MAST4: variants seen among roughly 807,000 people sequenced by gnomAD.
MAST4 encodes microtubule-associated serine/threonine-protein kinase 4.
In MAST4, 89 loss-of-function variants were observed where a neutral mutation model predicts 162.7. That is an observed-to-expected ratio of 0.55 (90% CI 0.46 to 0.65). The LOEUF is 0.65. MAST4 is among the 30% of genes least tolerant of loss of function. MAST4 has a pLI of 0.00. For missense variants in MAST4, 3,153 were observed against 3,374.0 expected (o/e 0.93, Z 1.62); for synonymous variants, 1,479 against 1,361.1 (o/e 1.09, Z -1.91).
intron 3 of MAST4, among the ~76,000 whole-genome samples, chr5:66,831,482 C>T (rs1467839235): frequency 6.6e-6 from 1 of 152,108 alleles, no homozygotes; most frequent in Admixed American, 6.5e-5. Context: ...TAAAATGATG[C>T]AGTATGTATT....
At chr5:66,756,862 C>T (rs571678692) in intron 1 of MAST4, among the ~76,000 whole-genome samples, 11 of 152,278 alleles carry the variant, frequency 7.2e-5, no homozygotes, top group African/African-American at 9.6e-5. Context: ...GTTTTCTGCT[C>T]ATACTGTGCC....
chr5:66,701,585 T>A (rs998542013), intron 1 of MAST4, among the ~76,000 whole-genome samples: 4 of 152,244 alleles, frequency 2.6e-5, no homozygotes, highest in Non-Finnish European at 4.4e-5. Context: ...TGAATTTGGA[T>A]GCTTCTTTAG....
chr5:66,839,310 G>A (rs1403712123), intron 3 of MAST4, among the ~76,000 whole-genome samples: 1 of 152,112 alleles, frequency 6.6e-6, no homozygotes, highest in Admixed American at 6.6e-5. Flanking sequence ...TAAGCAGTTG[G>A]ATATGTAGTT....
At chr5:67,108,051 T>C (rs942559615) in intron 10 of MAST4, among the ~76,000 whole-genome samples, 1 of 152,236 alleles carries the variant, frequency 6.6e-6, no homozygotes, top group Non-Finnish European at 1.5e-5. Flanking sequence ...AGTTATTAGA[T>C]AAAATACTGT....
intron 3 of MAST4, among the ~76,000 whole-genome samples, chr5:66,877,923 T>G (rs1033003579): frequency 2.0e-5 from 3 of 152,062 alleles, no homozygotes; most frequent in African/African-American, 7.2e-5. Flanking sequence ...TTGCTAGAGG[T>G]ATCAGGCGTT....
rs185993026 is a variant in MAST4, at chr5:67,061,681, C to T, written c.763+7189C>T. On this transcript the variant is annotated intron_variant, in intron 5 of 28. Transcript: ENST00000403625. ...AAGACTGGTCTTGCTCTCAGCATCT[C>T]CTGCTCTGATCTCATTGCTTCCCCT... is the stretch of plus-strand genomic sequence containing the variant. 4.3e-4 allele frequency among the ~76,000 whole-genome samples: 66 copies of T among 152,138 alleles called. No individual in the cohort carries two copies. The East Asian group carries it at 0.011, about 25-fold the overall frequency.
chr5:66,926,660 ATG>A lies in MAST4; in HGVS notation c.674+26688_674+26689del, dbSNP rs559644750. 2.1e-3 allele frequency among the ~76,000 whole-genome samples: 325 copies of A among 151,478 alleles called. 2 individuals are homozygous for A. Among genetic ancestry groups the A allele is most frequent in the African/African-American group, 7.3e-3 (301 of 41,200 alleles). Reference sequence around the variant, plus strand: ...TATATATATGTGTATATGTATATATATGTGTGTGTGTATATATATATATTTCC... The same window carrying A: ...TATATATATGTGTATATGTATATATATGTGTGTGTATATATATATATTTCC... On this transcript the variant is annotated intron_variant, in intron 4 of 28. Transcript: ENST00000403625.
In MAST4 at chr5:67,165,635, C is replaced by G; in HGVS notation, c.6456C>G (p.Cys2152Trp). 1 of 1,611,364 alleles carries G rather than the reference C, an allele frequency of 6.2e-7. No homozygotes were observed. Among genetic ancestry groups the G allele is most frequent in the Non-Finnish European group, 8.5e-7 (1 of 1,178,886 alleles). Residue 2152 changes from cysteine to tryptophan, a missense_variant, in exon 29 of 29, where the codon TGC becomes TGG. Coordinates refer to ENST00000403625, the MANE Select transcript of MAST4 (RefSeq NM_001164664.2). ...CCAGCCCGGCTGCCAGGCAGCATTG[C>G]AGTTCCCCAAGCCACGCTTCTGGCA... Reference protein sequence around the residue: ...DLSSPAARQHCSSPSHASGRE... With the variant: ...DLSSPAARQHWSSPSHASGRE...
intron 4 of MAST4, among the ~76,000 whole-genome samples, chr5:66,943,695 C>T (rs1350680361): frequency 2.0e-5 from 3 of 151,994 alleles, no homozygotes; most frequent in African/African-American, 7.2e-5. Context: ...TTTATTATCT[C>T]TTCAGGAACA....
intron 4 of MAST4, among the ~76,000 whole-genome samples, chr5:67,009,924 G>A (rs745585559): frequency 2.3e-4 from 35 of 152,182 alleles, no homozygotes; most frequent in Non-Finnish European, 3.8e-4. Flanking sequence ...GACGTTGATA[G>A]AAGTTGATGA....
At chr5:66,667,496 A>G (rs1241514322) in intron 1 of MAST4, among the ~76,000 whole-genome samples, 2 of 152,034 alleles carry the variant, frequency 1.3e-5, no homozygotes, top group African/African-American at 2.4e-5. Flanking sequence ...CATTTCTCTC[A>G]TCTTTTTATG....
At chr5:66,623,711 G>A (rs1242302503) in intron 1 of MAST4, among the ~76,000 whole-genome samples, 1 of 152,188 alleles carries the variant, frequency 6.6e-6, no homozygotes, top group Admixed American at 6.5e-5. Flanking sequence ...TTGGAGCAAG[G>A]CAAGGATGCC....
In MAST4 at chr5:67,165,650, C is replaced by A. The variant is rs369285996; in HGVS notation, c.6471C>A (p.His2157Gln). ...GGCAGCATTGCAGTTCCCCAAGCCA[C>A]GCTTCTGGCAGAGAGCCGGGGGCCA... ...AARQHCSSPS[H>Q]ASGREPGAKP... Residue 2157 changes from histidine (H) to glutamine (Q), a missense_variant, in exon 29 of 29, where the codon CAC becomes CAA. His to Gln is a conservative substitution (Grantham distance 24). This residue lies in a region of MAST4 where 1,644 missense variants were observed against 1,495.0 expected (regional missense o/e 1.10). Coordinates refer to ENST00000403625, the MANE Select transcript of MAST4 (RefSeq NM_001164664.2). The A allele has an allele frequency of 6.2e-7, 1 of 1,607,210 alleles. No homozygotes were observed. Among genetic ancestry groups the A allele is most frequent in the Non-Finnish European group, 8.5e-7 (1 of 1,177,088 alleles).
intron 5 of MAST4, among the ~76,000 whole-genome samples, chr5:67,074,590 A>G (rs1351557276): frequency 1.3e-5 from 2 of 151,638 alleles, no homozygotes; most frequent in African/African-American, 4.8e-5. Context: ...GTCCATCTGT[A>G]TAATGGAATA....
intron 27 of MAST4, among the ~76,000 whole-genome samples, chr5:67,161,489 G>A (rs2151115662): frequency 6.6e-6 from 1 of 152,252 alleles, no homozygotes; most frequent in Middle Eastern, 3.4e-3. Context: ...TTGGTTGCAA[G>A]GTAGAAGGTG....
intron 1 of MAST4, among the ~76,000 whole-genome samples, chr5:66,681,278 G>A (rs528593966): frequency 2.3e-4 from 35 of 152,234 alleles, no homozygotes; most frequent in African/African-American, 7.9e-4. Context: ...TTTGCCTCAG[G>A]CCCTGTAACT....
At chr5:67,042,199 T>C (rs1756830007) in intron 4 of MAST4, among the ~76,000 whole-genome samples, 2 of 152,134 alleles carry the variant, frequency 1.3e-5, no homozygotes, top group African/African-American at 4.8e-5. Flanking sequence ...CCACTTAACC[T>C]CCCTTCTTAG....
At position 67,057,565 on chromosome 5, in the gene MAST4, A is replaced by G. The variant is rs79069086; in HGVS notation, c.763+3073A>G. ...TTTGTGGGGAGCCAGAGATTCCTAA[A>G]AGAACAGTGAATAGCACAGTCTCAT... is the stretch of plus-strand genomic sequence containing the variant. On this transcript the variant is annotated intron_variant, in intron 5 of 28. Coordinates refer to ENST00000403625, the MANE Select transcript of MAST4 (RefSeq NM_001164664.2). Among the ~76,000 whole-genome samples the G allele has an allele frequency of 1.3e-3, 199 of 149,768 alleles. 1 individual carries two copies. Among genetic ancestry groups the G allele is most frequent in the Admixed American group, 2.4e-3 (36 of 14,904 alleles).
At chr5:66,611,191 T>A (rs1743266435) in intron 1 of MAST4, among the ~76,000 whole-genome samples, 1 of 152,242 alleles carries the variant, frequency 6.6e-6, no homozygotes, top group South Asian at 2.1e-4. Context: ...GACTTTAAAT[T>A]CTCTCATGGT....
Sources: allele counts gnomAD v4.1 joint callset (sites outside exome capture counted in the v4.1 genomes callset), GRCh38; gene constraint gnomAD v4.1.1; regional missense constraint gnomAD v4.1.1; transcripts MANE v1.5; gene names NCBI Gene and HGNC (gene_info 2026-07-23, HGNC 2026-07-21).